DSCAM: variants seen among roughly 807,000 people sequenced by gnomAD.
DSCAM encodes cell adhesion molecule DSCAM.
A neutral mutation model predicts 217.7 loss-of-function variants in DSCAM; 47 were observed. The observed-to-expected ratio is 0.22, with a 90% CI of 0.17 to 0.28. The LOEUF (loss-of-function observed/expected upper bound fraction) is 0.28, where lower values mean the gene tolerates loss of function less well. DSCAM is among the 10% of genes least tolerant of loss of function. The probability of loss-of-function intolerance (pLI) is 1.00; values close to 1 mark genes in which losing one functional copy is unlikely to be tolerated. For missense variants in DSCAM, 2,080 were observed against 2,618.3 expected, an observed-to-expected ratio of 0.79 and a Z score of 4.49; for synonymous variants, 1,056 against 1,015.3, an observed-to-expected ratio of 1.04 and a Z score of -0.76.
Position 40,187,255 on chromosome 21 carries a change from G to A in DSCAM, c.2655C>T (p.Pro885=), listed in dbSNP as rs2297267. 0.023 allele frequency: 37,909 copies of A among 1,613,856 alleles called. 832 individuals carry two copies. The highest frequency in any genetic ancestry group is 0.13 in the East Asian group (5,807 of 44,854). Residue 885 remains proline (P), a synonymous_variant, in exon 14 of 33, where the codon CCC becomes CCT. Coordinates refer to ENST00000400454, the MANE Select transcript of DSCAM (RefSeq NM_001389.5). ...RGIIQLTVQE[P]PDPPEIEIKD... ...TGATCTCAATTTCGGGAGGGTCTGGGGGCTCTGTGCCATCAACAGAAAGAC... is the reference window on the plus strand; with the variant it reads ...TGATCTCAATTTCGGGAGGGTCTGGAGGCTCTGTGCCATCAACAGAAAGAC...
chr21:40,598,750 A>T (rs1022298589), intron 3 of DSCAM, among the ~76,000 whole-genome samples: 9 of 151,486 alleles, frequency 5.9e-5, no homozygotes, highest in African/African-American at 2.2e-4. Context: ...TGATCTGCCC[A>T]CCTCGGCCTC....
chr21:40,730,537 G>A (rs1247080292), intron 1 of DSCAM, among the ~76,000 whole-genome samples: 2 of 152,190 alleles, frequency 1.3e-5, no homozygotes, highest in Non-Finnish European at 2.9e-5. Context: ...TATCTGTAAA[G>A]ACATAACTGT....
At chr21:40,727,809 C>G (rs1467874865) in intron 1 of DSCAM, among the ~76,000 whole-genome samples, 1 of 152,184 alleles carries the variant, frequency 6.6e-6, no homozygotes, top group Non-Finnish European at 1.5e-5. Flanking sequence ...AGGTAAAAGC[C>G]TATCTTCCTA....
chr21:40,238,827 G>C (rs546442864), intron 11 of DSCAM, among the ~76,000 whole-genome samples: 10 of 152,240 alleles, frequency 6.6e-5, no homozygotes, highest in Admixed American at 6.5e-4. Context: ...TAATTTTCTA[G>C]AATCCTACCA....
intron 20 of DSCAM, among the ~76,000 whole-genome samples, chr21:40,095,445 A>G (rs1316007795): frequency 2.0e-5 from 3 of 152,236 alleles, no homozygotes; most frequent in Non-Finnish European, 2.9e-5. Context: ...GGAGCCAATT[A>G]TAAGAAACCA....
intron 1 of DSCAM, among the ~76,000 whole-genome samples, chr21:40,749,981 G>A (rs1394056858): frequency 6.6e-6 from 1 of 151,460 alleles, no homozygotes; most frequent in Non-Finnish European, 1.5e-5. Context: ...AGGCTGGAGT[G>A]CAGTGGTGTG....
At chr21:40,138,516 C>A (rs1265536106) in intron 18 of DSCAM, among the ~76,000 whole-genome samples, 3 of 115,942 alleles carry the variant, frequency 2.6e-5, no homozygotes, top group East Asian at 2.9e-4. Flanking sequence ...CATATGTATG[C>A]GGAGTGTGTG....
chr21:40,468,044 C>T (rs541378430), intron 3 of DSCAM, among the ~76,000 whole-genome samples: 3 of 151,980 alleles, frequency 2.0e-5, no homozygotes, highest in South Asian at 2.1e-4. Flanking sequence ...TTCACCCTGA[C>T]GAGATAAATT....
intron 3 of DSCAM, among the ~76,000 whole-genome samples, chr21:40,396,652 G>A (rs903231746): frequency 2.0e-5 from 3 of 151,702 alleles, no homozygotes; most frequent in Admixed American, 6.6e-5. Flanking sequence ...TACTACTACC[G>A]TTATTACCCC....
rs377249522 is a variant in DSCAM, at chr21:40,767,672, A to G, written c.44-58901T>C. Among the ~76,000 whole-genome samples, 191 of 152,328 alleles carry G rather than the reference A, an allele frequency of 1.3e-3. 1 individual carries two copies. Among genetic ancestry groups the G allele is most frequent in the Non-Finnish European group, 1.9e-3 (131 of 68,028 alleles). On this transcript the variant is annotated intron_variant, in intron 1 of 32. Coordinates refer to ENST00000400454, the MANE Select transcript of DSCAM (RefSeq NM_001389.5). ...TGGGAGCATCTCATGGCAGCTCCCAATTGAATGCCAGATGCAAATGATCAC... is the reference window on the plus strand; with the variant it reads ...TGGGAGCATCTCATGGCAGCTCCCAGTTGAATGCCAGATGCAAATGATCAC...
chr21:40,764,333 A>C (rs2091365942), intron 1 of DSCAM, among the ~76,000 whole-genome samples: 1 of 152,022 alleles, frequency 6.6e-6, no homozygotes, highest in Admixed American at 6.6e-5. Flanking sequence ...CGCCAAAAAA[A>C]AAAAAAAATG....
chr21:40,717,710 C>T (rs553968621), intron 1 of DSCAM, among the ~76,000 whole-genome samples: 1 of 152,300 alleles, frequency 6.6e-6, no homozygotes, highest in South Asian at 2.1e-4. Context: ...TGAAAACCTG[C>T]TAAAATTGAT....
intron 1 of DSCAM, among the ~76,000 whole-genome samples, chr21:40,756,430 C>T (rs2091277153): frequency 6.6e-6 from 1 of 152,098 alleles, no homozygotes; most frequent in Non-Finnish European, 1.5e-5. Context: ...TTTGCTCTGT[C>T]ACCCTAGCTG....
intron 3 of DSCAM, among the ~76,000 whole-genome samples, chr21:40,670,096 C>T (rs2090254499): frequency 6.6e-6 from 1 of 152,134 alleles, no homozygotes; most frequent in Non-Finnish European, 1.5e-5. Flanking sequence ...TAGGTCTTTA[C>T]TTACAAATAA....
At chr21:40,217,511 C>T (rs2091254181) in intron 11 of DSCAM, among the ~76,000 whole-genome samples, 1 of 152,008 alleles carries the variant, frequency 6.6e-6, no homozygotes, top group African/African-American at 2.4e-5. Context: ...TTTCACTGCT[C>T]AGGTATTAAG....
chr21:40,592,604 G>A (rs751501472), intron 3 of DSCAM, among the ~76,000 whole-genome samples: 3 of 152,028 alleles, frequency 2.0e-5, no homozygotes, highest in Non-Finnish European at 4.4e-5. Flanking sequence ...TCTTGCCTCT[G>A]TGTGCTTGCC....
intron 1 of DSCAM, among the ~76,000 whole-genome samples, chr21:40,827,000 G>A (rs547734289): frequency 6.6e-6 from 1 of 152,144 alleles, no homozygotes; most frequent in East Asian, 1.9e-4. Flanking sequence ...GAAGGGAAAG[G>A]AAGCAGAGAG....
intron 4 of DSCAM, among the ~76,000 whole-genome samples, chr21:40,357,667 G>C (rs1358201498): frequency 6.6e-6 from 1 of 151,996 alleles, no homozygotes; most frequent in Non-Finnish European, 1.5e-5. Context: ...AGAAATGTGA[G>C]AATTGGACAC....
chr21:40,028,222 C>T (rs1048151491), intron 32 of DSCAM, among the ~76,000 whole-genome samples: 29 of 111,754 alleles, frequency 2.6e-4, no homozygotes, highest in African/African-American at 1.0e-3. Context: ...CTGCCCTTCT[C>T]AGATGTCCAG....
Sources: gnomAD v4.1 joint callset for allele counts (sites outside exome capture counted in the v4.1 genomes callset) on GRCh38, gnomAD v4.1.1 for gene constraint, MANE v1.5 for transcripts, NCBI Gene and HGNC (gene_info 2026-07-23, HGNC 2026-07-21) for gene names.